Variants in ITGA9 observed in about 807,000 individuals in gnomAD.
ITGA9 encodes the protein integrin subunit alpha 9, also known as integrin alpha-9.
A neutral mutation model predicts 127.8 loss-of-function variants in ITGA9; 56 were observed. The ratio of observed to expected loss-of-function variants is 0.44; its 90% CI spans 0.35 to 0.55. The LOEUF is 0.55. ITGA9 is among the 20% of genes least tolerant of loss of function. The pLI is 0.00. For synonymous variants in ITGA9, 508 were observed against 514.5 expected, an observed-to-expected ratio of 0.99 and a Z score of 0.17; for missense variants, 1,196 against 1,347.1, an observed-to-expected ratio of 0.89 and a Z score of 1.76.
intron 18 of ITGA9, among the ~76,000 whole-genome samples, chr3:37,707,873 T>G (rs1225035574): frequency 6.6e-6 from 1 of 152,186 alleles, no homozygotes; most frequent in East Asian, 1.9e-4. Context: ...TGCCCTTGGC[T>G]GGCAGCACAG....
intron 15 of ITGA9, among the ~76,000 whole-genome samples, chr3:37,615,731 T>C (rs1700067846): frequency 6.6e-6 from 1 of 152,244 alleles, no homozygotes; most frequent in Non-Finnish European, 1.5e-5. Context: ...CCATTTCTTC[T>C]AGATTTTCTA....
intron 23 of ITGA9, among the ~76,000 whole-genome samples, chr3:37,754,693 C>A (rs1696629141): frequency 6.6e-6 from 1 of 152,188 alleles, no homozygotes; most frequent in South Asian, 2.1e-4. Context: ...TTCAATATGG[C>A]ATGAATACCA....
chr3:37,738,197 A>C (rs1696388007), intron 20 of ITGA9, among the ~76,000 whole-genome samples: 1 of 152,250 alleles, frequency 6.6e-6, no homozygotes, highest in South Asian at 2.1e-4. Context: ...CTGTGATCTA[A>C]TAGAAGCCTA....
chr3:37,612,089 A>G (rs1254545171), intron 15 of ITGA9, among the ~76,000 whole-genome samples: 2 of 152,160 alleles, frequency 1.3e-5, no homozygotes, highest in African/African-American at 4.8e-5. Context: ...GAGAGTTCAC[A>G]TAACCTATGA....
chr3:37,512,024 T>TTTTC (rs879618747), intron 8 of ITGA9, among the ~76,000 whole-genome samples: 100 of 31,924 alleles, frequency 3.1e-3, no homozygotes, highest in East Asian at 3.3e-3. Flanking sequence ...TTTTCTTTTC[T>TTTTC]TTTCTTTCTT....
Position 37,628,619 on chromosome 3 carries a change from G to A in ITGA9, c.1690-568G>A, listed in dbSNP as rs189661556. On this transcript the variant is annotated intron_variant, in intron 15 of 27. Coordinates refer to ENST00000264741, the MANE Select transcript of ITGA9 (RefSeq NM_002207.3). The stretch of plus-strand genomic sequence containing the variant: ...TGCTCTCCTCCCTTCCTTTCCCATC[G>A]TGACTGTCAATCGACTGTTCCCTTG... 8.5e-5 allele frequency among the ~76,000 whole-genome samples: 13 copies of A among 152,102 alleles called. No homozygotes were observed. In the South Asian group the frequency reaches 1.5e-3, roughly 17 times the overall value.
chr3:37,793,483 A>G (rs1404829238), intron 26 of ITGA9, among the ~76,000 whole-genome samples: 1 of 151,700 alleles, frequency 6.6e-6, no homozygotes, highest in African/African-American at 2.4e-5. Flanking sequence ...ATACGTGCCC[A>G]GAGTATCTGT....
chr3:37,683,688 G>C (rs187447578), intron 17 of ITGA9, among the ~76,000 whole-genome samples, 177 bp from the exon 18 acceptor site: 1 of 152,288 alleles, frequency 6.6e-6, no homozygotes, highest in East Asian at 1.9e-4. Context: ...CTTTACATGA[G>C]GAAGCTGAGG....
chr3:37,569,418 G>T lies in ITGA9; in HGVS notation c.1689+26833G>T, dbSNP rs549835306. On this transcript the variant is annotated intron_variant, in intron 15 of 27. Transcript: ENST00000264741. ...ACCATATCATGGGGGTAGAGTTGAGGGAAGGAGAGAACATTCCAGGGATAG... is the reference window on the plus strand; with the variant it reads ...ACCATATCATGGGGGTAGAGTTGAGTGAAGGAGAGAACATTCCAGGGATAG... Among the ~76,000 whole-genome samples the T allele has an allele frequency of 1.2e-3, 189 of 152,296 alleles. 1 individual carries two copies. The South Asian group carries it at 0.015, about 12-fold the overall frequency.
chr3:37,666,139 T>C (rs1700584159), intron 17 of ITGA9, among the ~76,000 whole-genome samples: 1 of 152,132 alleles, frequency 6.6e-6, no homozygotes, highest in Non-Finnish European at 1.5e-5. Flanking sequence ...TCACTAACTA[T>C]AGTCATGATC....
At chr3:37,649,597 T>A (rs1700411099) in intron 16 of ITGA9, among the ~76,000 whole-genome samples, 1 of 152,130 alleles carries the variant, frequency 6.6e-6, no homozygotes, top group Non-Finnish European at 1.5e-5. Flanking sequence ...AAGGAGAAAT[T>A]GATAGCACTA....
intron 15 of ITGA9, among the ~76,000 whole-genome samples, chr3:37,560,902 T>G (rs1319059594): frequency 6.6e-6 from 1 of 152,210 alleles, no homozygotes; most frequent in Non-Finnish European, 1.5e-5. Context: ...TGGTTTCTCC[T>G]GAGGCCTCTC....
chr3:37,755,174 C>T (rs1356855500), intron 23 of ITGA9, among the ~76,000 whole-genome samples: 1 of 152,084 alleles, frequency 6.6e-6, no homozygotes, highest in Non-Finnish European at 1.5e-5. Flanking sequence ...ATCAGCATCC[C>T]AAGTTGAGGA....
intron 17 of ITGA9, among the ~76,000 whole-genome samples, 172 bp from the exon 18 acceptor site, chr3:37,683,693 C>G (rs1034487800): frequency 1.1e-4 from 17 of 152,146 alleles, no homozygotes; most frequent in African/African-American, 4.1e-4. Flanking sequence ...CATGAGGAAG[C>G]TGAGGCCCTA....
At chr3:37,535,161 G>A (rs2125587808) in intron 14 of ITGA9, among the ~76,000 whole-genome samples, 1 of 152,334 alleles carries the variant, frequency 6.6e-6, no homozygotes, top group South Asian at 2.1e-4. Context: ...CATGTGCCAG[G>A]CACTGGAGAT....
chr3:37,749,838 C>G (rs1696558684), intron 22 of ITGA9: 1 of 155,472 alleles, frequency 6.4e-6, no homozygotes, highest in African/African-American at 2.4e-5. Flanking sequence ...TATTCGATCG[C>G]TTGGTTTTGG....
rs74779173 is a variant in ITGA9, at chr3:37,476,647, G to A, written c.420+3187G>A. On this transcript the variant is annotated intron_variant, in intron 3 of 27. Coordinates refer to ENST00000264741, the MANE Select transcript of ITGA9 (RefSeq NM_002207.3). ...TCTGCCCCTGCCCCACTCTGTCCTC[G>A]GCACTTCTCTTTCTTCCCCTGTATG... is the stretch of plus-strand genomic sequence containing the variant. 7.8e-3 allele frequency among the ~76,000 whole-genome samples: 1,189 copies of A among 152,172 alleles called. 10 individuals carry two copies. Among genetic ancestry groups the A allele is most frequent in the Non-Finnish European group, 0.013 (864 of 68,004 alleles).
At chr3:37,490,816 C>A (rs1698662328) in intron 4 of ITGA9, among the ~76,000 whole-genome samples, 1 of 152,098 alleles carries the variant, frequency 6.6e-6, no homozygotes, top group Non-Finnish European at 1.5e-5. Context: ...ATGGAGGAGC[C>A]ATACGACTTA....
chr3:37,714,878 C>G (rs1312472577), intron 18 of ITGA9, among the ~76,000 whole-genome samples: 2 of 152,190 alleles, frequency 1.3e-5, no homozygotes, highest in Non-Finnish European at 2.9e-5. Flanking sequence ...CTGAAGGCCC[C>G]ACTGAATACG....
Sources: allele counts gnomAD v4.1 joint callset (sites outside exome capture counted in the v4.1 genomes callset), GRCh38; gene constraint gnomAD v4.1.1; transcripts MANE v1.5; gene names NCBI Gene and HGNC (gene_info 2026-07-23, HGNC 2026-07-21).